The following FGFRL1 variants were observed in gnomAD, a reference collection of about 807,000 sequenced individuals.
FGFRL1 encodes the protein fibroblast growth factor receptor like 1.
In FGFRL1, 24 loss-of-function variants were observed where a neutral mutation model predicts 36.8. That is an observed-to-expected ratio of 0.65 (90% confidence interval 0.47 to 0.92). FGFRL1 has a LOEUF of 0.92. Ranked by LOEUF, FGFRL1 falls within the 40% of genes least tolerant of loss-of-function variation. FGFRL1 has a pLI of 0.00. For synonymous variants in FGFRL1, 422 were observed against 344.1 expected (o/e 1.23, Z -2.50); for missense variants, 785 against 753.4 (o/e 1.04, Z -0.49).
chr4:1,012,593 C>G, intron 2 of FGFRL1, 29 bp downstream of exon 2: 1 of 1,117,332 alleles, frequency 8.9e-7, no homozygotes, highest in Non-Finnish European at 1.2e-6. Flanking sequence ...CCCGGCCAGC[C>G]TGGCCTCCGC....
Position 1,023,763 on chromosome 4 carries a change from C to A in FGFRL1, c.433+42C>A. The A allele has an allele frequency of 6.4e-7, 1 of 1,551,416 alleles. No homozygotes were observed. The highest frequency in any genetic ancestry group is 1.4e-5 in the African/African-American group (1 of 73,884). ...GGGGGTGGGGGGCGTCCGTCTGTCC[C>A]GGCCCCTTGGCTGCATCCCCGTCCT... On this transcript the variant is annotated intron_variant, in intron 4 of 6. Transcript: ENST00000510644. The surrounding 1 kb of genome is among the most constrained non-coding windows in gnomAD (Gnocchi z 6.0).
chr4:1,021,658 C>T (rs751492033), intron 2 of FGFRL1, among the ~76,000 whole-genome samples: 6 of 152,116 alleles, frequency 3.9e-5, no homozygotes, highest in African/African-American at 9.7e-5. Context: ...GCTGTGGGGT[C>T]GCTGGCCCAT....
At position 1,025,264 on chromosome 4, in the gene FGFRL1, A is replaced by G; in HGVS notation, c.1432A>G (p.Ile478Val). The G allele has an allele frequency of 6.3e-7, 1 of 1,599,478 alleles. No individual in the cohort carries two copies. Among genetic ancestry groups the G allele is most frequent in the Non-Finnish European group, 8.5e-7 (1 of 1,173,224 alleles). Reference sequence around the variant, plus strand: ...GTTGTACCCCAAACTCTACACAGACATCCACACACACACACACACACACTC... The same window carrying G: ...GTTGTACCCCAAACTCTACACAGACGTCCACACACACACACACACACACTC... ...PKLYPKLYTD[I>V]HTHTHTHSHT... The change falls in exon 7 of 7, where the codon ATC (isoleucine) becomes GTC (valine). Residue 478 changes from isoleucine to valine, a missense_variant. Transcript: ENST00000510644.
At position 1,026,677 on chromosome 4, in the gene FGFRL1, T is replaced by C. The variant is rs1199160529; in HGVS notation, c.*1330T>C. On this transcript the variant is annotated 3_prime_UTR_variant, in exon 7 of 7. Transcript: ENST00000510644. Reference sequence around the variant, plus strand: ...GAAATGAAGATAATATTAATAATGATGGAAGGAAGACTGGGTTGCAGGGAC... The same window carrying C: ...GAAATGAAGATAATATTAATAATGACGGAAGGAAGACTGGGTTGCAGGGAC... The C allele has an allele frequency of 3.2e-6, 1 of 316,780 alleles. No homozygotes were observed. The highest frequency in any genetic ancestry group is 1.0e-4 in the East Asian group (1 of 9,888). 19.6% of individuals were successfully genotyped at this position (316,780 alleles called of 1,614,324 possible).
At chr4:1,018,815 G>A (rs1716026944) in intron 2 of FGFRL1, among the ~76,000 whole-genome samples, 1 of 152,200 alleles carries the variant, frequency 6.6e-6, no homozygotes, top group African/African-American at 2.4e-5. Flanking sequence ...GGAATCTGGG[G>A]GGATGGGCTT....
rs377175884 is a variant in FGFRL1, at chr4:1,023,900, G to A, written c.517G>A (p.Val173Met). 91 of 1,578,902 alleles carry A rather than the reference G, an allele frequency of 5.8e-5. 1 individual carries two copies. The Middle Eastern group carries it at 6.6e-4, about 12-fold the overall frequency. The change falls in exon 5 of 7, where the codon GTG (valine) becomes ATG (methionine). Residue 173 changes from valine (V) to methionine (M), a missense_variant. Val to Met is a conservative substitution (Grantham distance 21). Transcript: ENST00000510644. This position sits in a 1 kb window ranked among gnomAD's most constrained non-coding sequence, Gnocchi z 6.0. The part of the protein sequence containing the change: ...PVGSSVRLKC[V>M]ASGHPRPDIT... ...GGGTAGCTCCGTGCGGCTCAAGTGC[G>A]TGGCCAGCGGGCACCCTCGGCCCGA...
rs1477585339 is a variant in FGFRL1, at chr4:1,026,821, A to G, written c.*1474A>G. The G allele has an allele frequency of 4.4e-6, 2 of 455,236 alleles. No individual in the cohort carries two copies. Among genetic ancestry groups the G allele is most frequent in the Admixed American group, 4.7e-5 (2 of 42,454 alleles). 28.2% of individuals were successfully genotyped at this position (455,236 alleles called of 1,614,324 possible). A position where few individuals can be genotyped will look rare whatever the true frequency, so the allele number is the denominator to read the frequency against. On this transcript the variant is annotated 3_prime_UTR_variant, in exon 7 of 7. Transcript: ENST00000510644. ...GTCGTGGTGGCCCCAGATCTCTGTA[A>G]TTTTATGTAGAGTTTGAGCTGAAGC...
chr4:1,023,602 C>T lies in FGFRL1; in HGVS notation c.353-39C>T, dbSNP rs4647947. On this transcript the variant is annotated intron_variant, in intron 3 of 6. Transcript: ENST00000510644. This position sits in a 1 kb window ranked among gnomAD's most constrained non-coding sequence, Gnocchi z 6.0. The stretch of plus-strand genomic sequence containing the variant: ...AGTTGGGGGAGCTCCTCAGGGCCCC[C>T]CTCACCTGCCCTCCCTGTGCACCTC... 5.0e-3 allele frequency: 7,751 copies of T among 1,551,494 alleles called. 45 individuals carry two copies. Among genetic ancestry groups the T allele is most frequent in the Middle Eastern group, 0.044 (193 of 4,370 alleles).
chr4:1,018,401 C>T (rs756949718), intron 2 of FGFRL1, among the ~76,000 whole-genome samples: 2 of 152,188 alleles, frequency 1.3e-5, no homozygotes, highest in African/African-American at 2.4e-5. Flanking sequence ...GCCTTCTTGG[C>T]GCACTGCCTC....
rs756472488 is a variant in FGFRL1, at chr4:1,025,265, T to G, written c.1433T>G (p.Ile478Ser). 1 of 1,595,490 alleles carries G rather than the reference T, an allele frequency of 6.3e-7. No homozygotes were observed. The highest frequency in any genetic ancestry group is 1.3e-5 in the African/African-American group (1 of 74,344). ...TTGTACCCCAAACTCTACACAGACA[T>G]CCACACACACACACACACACACTCT... ...PKLYPKLYTD[I>S]HTHTHTHSHT... The change falls in exon 7 of 7, where the codon ATC becomes AGC. Residue 478 changes from isoleucine to serine, a missense_variant. By Grantham distance (142) the Ile-to-Ser change is moderately radical (BLOSUM62 -2). Coordinates refer to ENST00000510644, the MANE Select transcript of FGFRL1 (RefSeq NM_001004356.3).
chr4:1,019,998 C>T (rs1716087480), intron 2 of FGFRL1, among the ~76,000 whole-genome samples: 1 of 152,246 alleles, frequency 6.6e-6, no homozygotes, highest in African/African-American at 2.4e-5. Flanking sequence ...ACCTAGAGGC[C>T]CTGGGCAACG....
intron 2 of FGFRL1, among the ~76,000 whole-genome samples, chr4:1,021,077 G>A (rs1338439787): frequency 3.8e-5 from 3 of 79,080 alleles, no homozygotes; most frequent in Non-Finnish European, 7.7e-5. Context: ...GGGGACCCAG[G>A]CAGGGAATGG....
At chr4:1,012,399 G>T (rs926304011) in intron 1 of FGFRL1, 71 bp from the exon 2 acceptor site, 126 of 1,545,242 alleles carry the variant, frequency 8.2e-5, no homozygotes, top group Non-Finnish European at 1.0e-4. Context: ...CCTGATCCCC[G>T]CGGCCCGGGA....
chr4:1,012,383 C>T, intron 1 of FGFRL1, 87 bp from the exon 2 acceptor site: 5 of 1,492,900 alleles, frequency 3.3e-6, no homozygotes, highest in Non-Finnish European at 4.5e-6. Context: ...GGAGGGCGGC[C>T]AGACCCCTGA....
At chr4:1,016,686 G>A (rs571456845) in intron 2 of FGFRL1, among the ~76,000 whole-genome samples, 2 of 152,168 alleles carry the variant, frequency 1.3e-5, no homozygotes, top group Admixed American at 6.5e-5. Flanking sequence ...TCTGCTCCCC[G>A]AGGGCCGCCT....
In FGFRL1 at chr4:1,022,371, G is replaced by A. The variant is rs1223747834; in HGVS notation, c.248G>A (p.Gly83Glu). The A allele has an allele frequency of 1.9e-6, 3 of 1,610,564 alleles. No individual in the cohort carries two copies. Among genetic ancestry groups the A allele is most frequent in the East Asian group, 2.2e-5 (1 of 44,820 alleles). Reference protein sequence around the residue: ...GWSRFRVLPQGLKVKQVERED... With the variant: ...GWSRFRVLPQELKVKQVERED... ...AGCCGCTTCCGCGTGCTGCCGCAGG[G>A]GCTGAAGGTGAAGCAGGTGGAGCGG... The change falls in exon 3 of 7, where the codon GGG becomes GAG. Residue 83 changes from glycine to glutamate, a missense_variant. By Grantham distance (98) the Gly-to-Glu change is moderately conservative. Coordinates refer to ENST00000510644, the MANE Select transcript of FGFRL1 (RefSeq NM_001004356.3).
rs778281827 is a variant in FGFRL1, at chr4:1,023,885, G to T, written c.502G>T (p.Val168Leu). ...RVIARPVGSS[V>L]RLKCVASGHP... Reference sequence around the variant, plus strand: ...GATCGCACGGCCCGTGGGTAGCTCCGTGCGGCTCAAGTGCGTGGCCAGCGG... The same window carrying T: ...GATCGCACGGCCCGTGGGTAGCTCCTTGCGGCTCAAGTGCGTGGCCAGCGG... The change falls in exon 5 of 7, where the codon GTG (valine) becomes TTG (leucine). Residue 168 changes from valine (V) to leucine (L), a missense_variant. Transcript: ENST00000510644. This position sits in a 1 kb window ranked among gnomAD's most constrained non-coding sequence, Gnocchi z 6.0. The T allele has an allele frequency of 6.3e-7, 1 of 1,582,042 alleles. No homozygotes were observed. Among genetic ancestry groups the T allele is most frequent in the Non-Finnish European group, 8.6e-7 (1 of 1,168,670 alleles).
rs748306032 is a variant in FGFRL1 at position 1,025,140 on chromosome 4, C to T, written c.1308C>T (p.Ala436=). The T allele has an allele frequency of 5.3e-5, 85 of 1,610,566 alleles. No homozygotes were observed. The highest frequency in any genetic ancestry group is 6.6e-5 in the Non-Finnish European group (78 of 1,179,112). Residue 436 remains alanine (A), a synonymous_variant, in exon 7 of 7, where the codon GCC becomes GCT. Transcript: ENST00000510644. ...RSGDKDLPSL[A]ALSAGPGVGL... ...GAGACAAGGACCTTCCCTCGTTGGC[C>T]GCCCTCAGCGCTGGCCCTGGTGTGG...
intron 1 of FGFRL1, 52 bp from the exon 2 acceptor site, chr4:1,012,418 G>A: frequency 6.4e-7 from 1 of 1,564,482 alleles, no homozygotes; most frequent in South Asian, 1.1e-5. Flanking sequence ...GACCGGGGAG[G>A]GCGGTATCTC....
Sources: allele counts gnomAD v4.1 joint callset (sites outside exome capture counted in the v4.1 genomes callset), GRCh38; gene constraint gnomAD v4.1.1; non-coding constraint Gnocchi (gnomAD v3.1); transcripts MANE v1.5; gene names NCBI Gene and HGNC (gene_info 2026-07-23, HGNC 2026-07-21).